The following MAST2 variants were observed in gnomAD, a reference collection of about 807,000 sequenced individuals.
MAST2 encodes microtubule-associated serine/threonine-protein kinase 2.
Under a neutral mutation model 147.4 loss-of-function variants are expected in MAST2, and 70 were observed. The ratio of observed to expected loss-of-function variants is 0.47; its 90% CI spans 0.39 to 0.58. The LOEUF (loss-of-function observed/expected upper bound fraction) is 0.58, where lower values mean the gene tolerates loss of function less well. MAST2 is among the 20% of genes least tolerant of loss of function. The probability of loss-of-function intolerance (pLI) is 0.00; values close to 1 mark genes in which losing one functional copy is unlikely to be tolerated. For synonymous variants in MAST2, 869 were observed against 896.8 expected, an observed-to-expected ratio of 0.97 and a Z score of 0.55; for missense variants, 2,080 against 2,302.3, an observed-to-expected ratio of 0.90 and a Z score of 1.98.
chr1:45,875,441 A>G (rs533749341), intron 3 of MAST2, among the ~76,000 whole-genome samples: 56 of 152,278 alleles, frequency 3.7e-4, no homozygotes, highest in African/African-American at 1.3e-3. Context: ...ACGAGACTTC[A>G]TCTCAAAAAA....
At chr1:45,899,110 C>T (rs1649278312) in intron 4 of MAST2, among the ~76,000 whole-genome samples, 1 of 152,108 alleles carries the variant, frequency 6.6e-6, no homozygotes, top group Non-Finnish European at 1.5e-5. Flanking sequence ...GCCCACCAAG[C>T]AGATCTGTTT....
rs74227056 is a variant in MAST2, at chr1:45,818,352, T to G, written c.178-6081T>G. ...TGCAAGTTTGGCTTTGGGAAGTGCTTTGGAGCTTCTTCTCAGTCCAGCCAC... is the reference window on the plus strand; with the variant it reads ...TGCAAGTTTGGCTTTGGGAAGTGCTGTGGAGCTTCTTCTCAGTCCAGCCAC... On this transcript the variant is annotated intron_variant, in intron 1 of 28. Transcript: ENST00000361297. Among the ~76,000 whole-genome samples, 543 of 152,298 alleles carry G rather than the reference T, an allele frequency of 3.6e-3. 6 individuals are homozygous for G. Among genetic ancestry groups the G allele is most frequent in the East Asian group, 0.034 (177 of 5,190 alleles).
At chr1:45,988,804 G>C (rs10749862) in intron 5 of MAST2, among the ~76,000 whole-genome samples, 152,064 of 152,300 alleles carry the variant, frequency 1, 75,918 homozygotes, top group Non-Finnish European at 1. Flanking sequence ...CCTTGACTTA[G>C]ATCAATTTGG....
chr1:45,847,256 C>A (rs1194012095), intron 3 of MAST2: 4 of 511,176 alleles, frequency 7.8e-6, no homozygotes, highest in Non-Finnish European at 1.6e-5. Context: ...CCCGCTCCAT[C>A]GTCTGCTTGA....
At chr1:45,841,115 C>G (rs1187413138) in intron 3 of MAST2, among the ~76,000 whole-genome samples, 2 of 151,782 alleles carry the variant, frequency 1.3e-5, no homozygotes, top group African/African-American at 4.8e-5. Flanking sequence ...TTTTCATTTC[C>G]TTATTATTTG....
chr1:45,939,545 G>C (rs1656849439), intron 4 of MAST2, among the ~76,000 whole-genome samples: 1 of 151,176 alleles, frequency 6.6e-6, no homozygotes, highest in Admixed American at 6.6e-5. Context: ...TTTTTTTTGG[G>C]GGGGTGGGGT....
intron 5 of MAST2, among the ~76,000 whole-genome samples, chr1:45,972,623 CAT>C (rs1557986525): frequency 6.6e-6 from 1 of 152,204 alleles, no homozygotes; most frequent in Non-Finnish European, 1.5e-5. Flanking sequence ...GGGCTAATTT[CAT>C]TATCCCTTAC....
At chr1:45,942,127 G>T (rs975697938) in intron 4 of MAST2, among the ~76,000 whole-genome samples, 3 of 149,800 alleles carry the variant, frequency 2.0e-5, no homozygotes, top group Admixed American at 1.3e-4. Context: ...TCACTGTCCA[G>T]CTTGATTGTA....
intron 4 of MAST2, among the ~76,000 whole-genome samples, chr1:45,936,526 T>G (rs1656219674): frequency 1.3e-5 from 2 of 152,180 alleles, no homozygotes; most frequent in Admixed American, 1.3e-4. Flanking sequence ...TTTTGAGGTA[T>G]GTTCCTTTGA....
intron 4 of MAST2, among the ~76,000 whole-genome samples, chr1:45,927,470 T>A (rs1243592910): frequency 6.6e-6 from 1 of 152,210 alleles, no homozygotes; most frequent in East Asian, 1.9e-4. Flanking sequence ...CAGGCGCGTA[T>A]TCTCTTTCTC....
At chr1:45,984,435 TA>T (rs1644533767) in intron 5 of MAST2, among the ~76,000 whole-genome samples, 1 of 151,864 alleles carries the variant, frequency 6.6e-6, no homozygotes, top group African/African-American at 2.4e-5. Flanking sequence ...CCCAACTAAG[TA>T]CGACCACAGA....
At chr1:46,026,027 G>A (rs1417205608) in intron 16 of MAST2, among the ~76,000 whole-genome samples, 1 of 152,164 alleles carries the variant, frequency 6.6e-6, no homozygotes, top group East Asian at 1.9e-4. Flanking sequence ...TAAGGCTTCG[G>A]TGACATGGAA....
At chr1:45,876,899 A>G (rs1646629193) in intron 3 of MAST2, among the ~76,000 whole-genome samples, 1 of 152,216 alleles carries the variant, frequency 6.6e-6, no homozygotes, top group East Asian at 1.9e-4. Context: ...TTGTTAGCCA[A>G]AACTGTAGTC....
intron 5 of MAST2, among the ~76,000 whole-genome samples, chr1:45,972,215 C>G (rs1448432955): frequency 1.3e-5 from 2 of 152,208 alleles, no homozygotes; most frequent in African/African-American, 2.4e-5. Flanking sequence ...CTGGTTGGAA[C>G]AGCATTTCAC....
intron 5 of MAST2, among the ~76,000 whole-genome samples, chr1:45,976,351 C>A (rs1309489156): frequency 1.3e-5 from 2 of 152,076 alleles, no homozygotes; most frequent in Non-Finnish European, 2.9e-5. Flanking sequence ...AATCCCAACA[C>A]TTTGGGAGGC....
intron 3 of MAST2, among the ~76,000 whole-genome samples, chr1:45,875,916 A>G (rs1417147410): frequency 6.6e-6 from 1 of 152,060 alleles, no homozygotes; most frequent in Non-Finnish European, 1.5e-5. Flanking sequence ...ATATAGAGAA[A>G]GGAGAGTGTA....
At chr1:45,928,422 GTTAATACATCTC>G (rs1654746229) in intron 4 of MAST2, among the ~76,000 whole-genome samples, 1 of 152,116 alleles carries the variant, frequency 6.6e-6, no homozygotes, top group Non-Finnish European at 1.5e-5. Context: ...AGTGTATTTG[GTTAATACATCTC>G]TTAAGTAGGG....
intron 4 of MAST2, among the ~76,000 whole-genome samples, chr1:45,915,300 C>G (rs750185137): frequency 1.2e-4 from 18 of 152,114 alleles, no homozygotes; most frequent in African/African-American, 2.7e-4. Context: ...AAAAATACCC[C>G]CTGAGGAGCT....
At chr1:45,818,794 T>G (rs1644533332) in intron 1 of MAST2, among the ~76,000 whole-genome samples, 2 of 152,228 alleles carry the variant, frequency 1.3e-5, no homozygotes, top group Admixed American at 6.5e-5. Flanking sequence ...TTGTCTCCTT[T>G]GCTTTACGAC....
Sources: gnomAD v4.1 joint callset for allele counts (sites outside exome capture counted in the v4.1 genomes callset) on GRCh38, gnomAD v4.1.1 for gene constraint, MANE v1.5 for transcripts, NCBI Gene and HGNC (gene_info 2026-07-23, HGNC 2026-07-21) for gene names.